FOXO1: variants seen among roughly 807,000 people sequenced by gnomAD.
FOXO1 encodes the protein forkhead box O1, also known as forkhead box protein O1.
Under a neutral mutation model 44.1 loss-of-function variants are expected in FOXO1, and 6 were observed. The observed-to-expected ratio is 0.14, with a 90% CI of 0.07 to 0.27. The LOEUF (loss-of-function observed/expected upper bound fraction) is 0.27, where lower values mean the gene tolerates loss of function less well. FOXO1 is among the 10% of genes least tolerant of loss of function. FOXO1 has a pLI of 1.00. For synonymous variants in FOXO1, 380 were observed against 362.7 expected (o/e 1.05, Z -0.54); for missense variants, 737 against 888.8 (o/e 0.83, Z 2.17).
intron 1 of FOXO1, among the ~76,000 whole-genome samples, chr13:40,622,972 T>C (rs78032875): frequency 5.3e-5 from 8 of 152,318 alleles, no homozygotes; most frequent in East Asian, 1.9e-4. Context: ...ATGCCAATCA[T>C]TTCATGACTG....
intron 1 of FOXO1, among the ~76,000 whole-genome samples, chr13:40,603,339 T>C (rs1487900133): frequency 2.2e-5 from 3 of 139,220 alleles, no homozygotes; most frequent in Non-Finnish European, 3.0e-5. Context: ...GAGACCCTAG[T>C]TGGCAGATGA....
intron 1 of FOXO1, among the ~76,000 whole-genome samples, chr13:40,561,310 C>CCA (rs1467268462): frequency 6.8e-6 from 1 of 148,038 alleles, no homozygotes; most frequent in Non-Finnish European, 1.5e-5. Context: ...CGAGATCGTG[C>CCA]CACTGCACTC....
At chr13:40,570,378 G>A (rs530166614) in intron 1 of FOXO1, among the ~76,000 whole-genome samples, 21 of 151,182 alleles carry the variant, frequency 1.4e-4, no homozygotes, top group African/African-American at 4.6e-4. Flanking sequence ...GTGTAAGAAC[G>A]TACTACAGGA....
intron 1 of FOXO1, among the ~76,000 whole-genome samples, chr13:40,588,105 C>A (rs896677630): frequency 5.3e-5 from 8 of 152,108 alleles, no homozygotes; most frequent in Admixed American, 1.3e-4. Context: ...ATTAACAGAA[C>A]CTTGGGAGTT....
At chr13:40,636,859 G>A (rs560222855) in intron 1 of FOXO1, among the ~76,000 whole-genome samples, 120 of 152,252 alleles carry the variant, frequency 7.9e-4, no homozygotes, top group Non-Finnish European at 1.4e-3. Flanking sequence ...AATACCTGGT[G>A]GAGTACAAGT....
In FOXO1 at chr13:40,666,105, G is replaced by A; in HGVS notation, c.108C>T (p.Asn36=). The change falls in exon 1 of 3, where the codon AAC becomes AAT. Residue 36 remains asparagine (N), a synonymous_variant. Transcript: ENST00000379561. ...PLPRPEFSQS[N]SATSSPAPSG... ...ACGGCGCCGGGCTGGAGGTGGCCGA[G>A]TTGGACTGGCTAAACTCCGGCCTGG... The A allele has an allele frequency of 7.1e-7, 1 of 1,413,124 alleles. No individual in the cohort carries two copies. The highest frequency in any genetic ancestry group is 9.2e-7 in the Non-Finnish European group (1 of 1,084,454). The allele number at this position is 1,413,124 out of a possible 1,614,324, so 87.5% of individuals were successfully genotyped here.
intron 1 of FOXO1, among the ~76,000 whole-genome samples, chr13:40,617,907 G>C (rs1243028091): frequency 1.3e-5 from 2 of 152,196 alleles, no homozygotes; most frequent in Non-Finnish European, 2.9e-5. Flanking sequence ...AAGCTCCAGA[G>C]TGCAAGCCTC....
In FOXO1 at chr13:40,666,481, C is replaced by A. The variant is rs1302387913; in HGVS notation, c.-269G>T. The A allele has an allele frequency of 2.9e-6, 1 of 345,936 alleles. No homozygotes were observed. Among genetic ancestry groups the A allele is most frequent in the African/African-American group, 2.1e-5 (1 of 47,620 alleles). 21.4% of individuals were successfully genotyped at this position (345,936 alleles called of 1,614,324 possible). A position where few individuals can be genotyped will look rare whatever the true frequency, so the allele number is the denominator to read the frequency against. ...CAGAGCCGCCGGGCCGGGGCAGAGC[C>A]TGCGCCGCGCTCCAGCTGACAGGGC... On this transcript the variant is annotated 5_prime_UTR_variant, in exon 1 of 3. In the 5' UTR this introduces an upstream ATG that the reference lacks. Transcript: ENST00000379561.
chr13:40,576,855 C>G lies in FOXO1; in HGVS notation c.631-15995G>C, dbSNP rs544979976. ...GCTTTCATACATTTTATCCATCATT[C>G]ACAAGATTTGGCATAAAAATTTGGT... On this transcript the variant is annotated intron_variant, in intron 1 of 2. Transcript: ENST00000379561. Among the ~76,000 whole-genome samples the G allele has an allele frequency of 4.4e-4, 67 of 152,332 alleles. 2 individuals carry two copies. In the South Asian group the frequency reaches 0.013, roughly 30 times the overall value.
chr13:40,593,019 C>A (rs1566069778), intron 1 of FOXO1, among the ~76,000 whole-genome samples: 1 of 152,002 alleles, frequency 6.6e-6, no homozygotes, highest in Non-Finnish European at 1.5e-5. Flanking sequence ...GTTTTGGGGG[C>A]TTTTTTGTTT....
chr13:40,659,694 T>G (rs1877977394), intron 1 of FOXO1, among the ~76,000 whole-genome samples: 1 of 152,118 alleles, frequency 6.6e-6, no homozygotes, highest in South Asian at 2.1e-4. Flanking sequence ...AAAAAAAAAG[T>G]AGCCCAAATG....
chr13:40,574,048 T>G (rs1874646511), intron 1 of FOXO1, among the ~76,000 whole-genome samples: 1 of 152,246 alleles, frequency 6.6e-6, no homozygotes, highest in Non-Finnish European at 1.5e-5. Flanking sequence ...AAAAGGGAAC[T>G]GAATATCAAC....
At chr13:40,587,406 A>G (rs1027808888) in intron 1 of FOXO1, among the ~76,000 whole-genome samples, 19 of 152,246 alleles carry the variant, frequency 1.2e-4, no homozygotes, top group African/African-American at 4.1e-4. Context: ...CAGATAAGCC[A>G]AACAGCTATT....
chr13:40,559,924 T>C lies in FOXO1; in HGVS notation c.1567A>G (p.Thr523Ala), dbSNP rs1477719868. 1.2e-6 allele frequency: 2 copies of C among 1,614,136 alleles called. No individual in the cohort carries two copies. The highest frequency in any genetic ancestry group is 3.3e-5 in the Admixed American group (2 of 60,024). Residue 523 changes from threonine (T) to alanine (A), a missense_variant, in exon 2 of 3, where the codon ACC (threonine) becomes GCC (alanine). Physicochemically the swap from Thr to Ala is moderately conservative, Grantham distance 58. Transcript: ENST00000379561. ...HNKMMNPSSHTHPGHAQQTSA... is the reference protein window; with the variant it reads ...HNKMMNPSSHAHPGHAQQTSA... ...GTCTGCTGAGCATGTCCAGGGTGGG[T>C]ATGGGAGCTGGGATTCATCATTTTG...
chr13:40,563,272 C>T (rs143907781), intron 1 of FOXO1, among the ~76,000 whole-genome samples: 2 of 152,296 alleles, frequency 1.3e-5, no homozygotes, highest in East Asian at 3.9e-4. Flanking sequence ...CTGGCTCCAA[C>T]ACAAACTGGG....
chr13:40,641,417 A>G (rs1243009341), intron 1 of FOXO1, among the ~76,000 whole-genome samples: 2 of 151,040 alleles, frequency 1.3e-5, no homozygotes, highest in African/African-American at 4.9e-5. Flanking sequence ...CATTATATAT[A>G]TCATATATAT....
rs146685185 is a variant in FOXO1, at chr13:40,638,812, T to C, written c.630+26771A>G. ...CTGTATTCATACTGTGATGAGGCAC[T>C]GAAGGCAGTAGAAACTTCAGACCAT... On this transcript the variant is annotated intron_variant, in intron 1 of 2. Coordinates refer to ENST00000379561, the MANE Select transcript of FOXO1 (RefSeq NM_002015.4). Among the ~76,000 whole-genome samples, 718 of 152,124 alleles carry C rather than the reference T, an allele frequency of 4.7e-3. 3 individuals carry two copies. Among genetic ancestry groups the C allele is most frequent in the African/African-American group, 0.016 (679 of 41,468 alleles).
chr13:40,665,532 C>A, intron 1 of FOXO1, 51 bp downstream of exon 1: 1 of 1,333,832 alleles, frequency 7.5e-7, no homozygotes, highest in Non-Finnish European at 9.7e-7. Context: ...GCTGCGCCCT[C>A]GCCTGACCCA....
intron 1 of FOXO1, among the ~76,000 whole-genome samples, chr13:40,638,309 A>G (rs1284303844): frequency 2.6e-5 from 4 of 152,188 alleles, no homozygotes; most frequent in African/African-American, 7.2e-5. Flanking sequence ...CATCATCACC[A>G]TAAGGAGATA....
Sources: allele counts gnomAD v4.1 joint callset (sites outside exome capture counted in the v4.1 genomes callset), GRCh38; gene constraint gnomAD v4.1.1; transcripts MANE v1.5; gene names NCBI Gene and HGNC (gene_info 2026-07-23, HGNC 2026-07-21).